The following CBFA2T3 variants were observed in gnomAD, a reference collection of about 807,000 sequenced individuals.
CBFA2T3 encodes transcriptional corepressor CBFA2T3.
In CBFA2T3, 31 loss-of-function variants were observed where a neutral mutation model predicts 58.6. The observed-to-expected ratio is 0.53, with a 90% CI of 0.40 to 0.71. The LOEUF is 0.71. CBFA2T3 is among the 30% of genes least tolerant of loss of function. The pLI is 0.00. For synonymous variants in CBFA2T3, 531 were observed against 421.9 expected (o/e 1.26, Z -3.17); for missense variants, 1,076 against 963.1 (o/e 1.12, Z -1.55).
At chr16:88,934,051 C>T (rs918541222) in intron 1 of CBFA2T3, among the ~76,000 whole-genome samples, 4 of 152,224 alleles carry the variant, frequency 2.6e-5, no homozygotes, top group African/African-American at 9.6e-5. Context: ...ATTAATTTTG[C>T]CCGGTCTCTT....
At chr16:88,882,318 G>A (rs928301270) in intron 8 of CBFA2T3, among the ~76,000 whole-genome samples, 19 of 152,214 alleles carry the variant, frequency 1.2e-4, no homozygotes, top group African/African-American at 4.6e-4. Context: ...ATGGCTGTGT[G>A]GGTGTAGCTG....
intron 1 of CBFA2T3, among the ~76,000 whole-genome samples, chr16:88,973,446 G>C (rs894733208): frequency 2.0e-5 from 3 of 152,194 alleles, no homozygotes; most frequent in Non-Finnish European, 4.4e-5. Flanking sequence ...GGCACTGTGA[G>C]AACAGAAGCC....
rs368154070 is a variant in CBFA2T3, at chr16:88,909,987, G to T, written c.152-8331C>A. On this transcript the variant is annotated intron_variant, in intron 1 of 11. Coordinates refer to ENST00000268679, the MANE Select transcript of CBFA2T3 (RefSeq NM_005187.6). ...ACATTTCCCAAGAGCTGTCCACGGCGGCTCCCACGGCGGCTCCCCAGCTGC... is the reference window on the plus strand; with the variant it reads ...ACATTTCCCAAGAGCTGTCCACGGCTGCTCCCACGGCGGCTCCCCAGCTGC... Among the ~76,000 whole-genome samples the T allele has an allele frequency of 9.2e-5, 14 of 152,220 alleles. 1 individual carries two copies. In the East Asian group the frequency reaches 1.2e-3, roughly 13 times the overall value.
intron 1 of CBFA2T3, among the ~76,000 whole-genome samples, chr16:88,917,005 T>A (rs1216179004): frequency 4.5e-5 from 6 of 134,106 alleles, no homozygotes; most frequent in Non-Finnish European, 1.6e-5. Context: ...ACCAGGGAGG[T>A]GGGGGTTGTA....
chr16:88,966,929 C>T (rs1487205992), intron 1 of CBFA2T3, among the ~76,000 whole-genome samples: 2 of 152,334 alleles, frequency 1.3e-5, no homozygotes, highest in East Asian at 1.9e-4. Flanking sequence ...ATGAGAACTT[C>T]GTATCACACT....
At chr16:88,968,818 T>A (rs1972578297) in intron 1 of CBFA2T3, among the ~76,000 whole-genome samples, 1 of 152,050 alleles carries the variant, frequency 6.6e-6, no homozygotes, top group Non-Finnish European at 1.5e-5. Flanking sequence ...CGGAGGGGTG[T>A]GCGGTCAGCG....
chr16:88,920,942 C>G (rs1169835787), intron 1 of CBFA2T3, among the ~76,000 whole-genome samples: 2 of 152,240 alleles, frequency 1.3e-5, no homozygotes, highest in Admixed American at 1.3e-4. Context: ...AGCAGCGGGA[C>G]GGGTGTCTCC....
At chr16:88,914,769 G>T (rs1271321571) in intron 1 of CBFA2T3, among the ~76,000 whole-genome samples, 1 of 152,226 alleles carries the variant, frequency 6.6e-6, no homozygotes, top group Non-Finnish European at 1.5e-5. Flanking sequence ...GGGGAGAGTG[G>T]TGAGCTCAGA....
chr16:88,900,727 G>A (rs1019618656), intron 2 of CBFA2T3, among the ~76,000 whole-genome samples: 5 of 152,186 alleles, frequency 3.3e-5, no homozygotes, highest in African/African-American at 9.7e-5. Context: ...GGACAGGGAC[G>A]CTGCCACCCC....
At chr16:88,910,487 G>A (rs1432811420) in intron 1 of CBFA2T3, among the ~76,000 whole-genome samples, 1 of 152,198 alleles carries the variant, frequency 6.6e-6, no homozygotes, top group Non-Finnish European at 1.5e-5. Flanking sequence ...GAGAAAACCT[G>A]GAAAGGCACA....
rs573305367 is a variant in CBFA2T3 at position 88,905,131 on chromosome 16, G to A, written c.152-3475C>T. Among the ~76,000 whole-genome samples, 12 of 152,228 alleles carry A rather than the reference G, an allele frequency of 7.9e-5. No homozygotes were observed. The South Asian group carries it at 2.5e-3, about 32-fold the overall frequency. Reference sequence around the variant, plus strand: ...ACCTGTGGAGGGACCTGGGAAGGAGGGGGGTGGGGGAGTGGGCAGCGGGGA... The same window carrying A: ...ACCTGTGGAGGGACCTGGGAAGGAGAGGGGTGGGGGAGTGGGCAGCGGGGA... On this transcript the variant is annotated intron_variant, in intron 1 of 11. Coordinates refer to ENST00000268679, the MANE Select transcript of CBFA2T3 (RefSeq NM_005187.6).
chr16:88,896,523 G>C (rs866901817), intron 3 of CBFA2T3, among the ~76,000 whole-genome samples: 1 of 152,194 alleles, frequency 6.6e-6, no homozygotes, highest in Non-Finnish European at 1.5e-5. Context: ...TCTGTCCGGA[G>C]GACCCCACCG....
chr16:88,892,189 T>C (rs999591682), intron 4 of CBFA2T3, 55 bp downstream of exon 4: 15 of 1,570,526 alleles, frequency 9.6e-6, no homozygotes, highest in African/African-American at 4.0e-5. Context: ...TGCAACCTCA[T>C]TAAACGGAGG....
rs573992537 is a variant in CBFA2T3 at position 88,879,402 on chromosome 16, C to T, written c.1530G>A (p.Ser510=). 28 of 1,613,046 alleles carry T rather than the reference C, an allele frequency of 1.7e-5. No homozygotes were observed. Among genetic ancestry groups the T allele is most frequent in the Admixed American group, 6.7e-5 (4 of 60,010 alleles). Residue 510 remains serine (S), a synonymous_variant, in exon 11 of 12, where the codon TCG becomes TCA. Coordinates refer to ENST00000268679, the MANE Select transcript of CBFA2T3 (RefSeq NM_005187.6). The part of the protein sequence containing the change: ...QAMSELQKAV[S]DAERKAHELI... ...GCTCGTGCGCTTTGCGCTCCGCGTC[C>T]GACACGGCTTTCTGCAGCTCCGACA...
intron 1 of CBFA2T3, among the ~76,000 whole-genome samples, chr16:88,913,384 G>A (rs570524629): frequency 6.6e-6 from 1 of 152,388 alleles, no homozygotes; most frequent in East Asian, 1.9e-4. Flanking sequence ...AGAACTGTGA[G>A]CCAAAGAAGG....
chr16:88,882,696 C>G lies in CBFA2T3; in HGVS notation c.1183G>C (p.Glu395Gln). Residue 395 changes from glutamate (E) to glutamine (Q), a missense_variant, in exon 8 of 12, where the codon GAG becomes CAG. Coordinates refer to ENST00000268679, the MANE Select transcript of CBFA2T3 (RefSeq NM_005187.6). ...HKLTEREWAE[E>Q]WKHLNNLLNC... The stretch of plus-strand genomic sequence containing the variant: ...CTCACGTTGTTGAGGTGCTTCCACT[C>G]TTCTGCCCACTCACGCTCTGTGAGC... 6.3e-7 allele frequency: 1 copy of G among 1,588,042 alleles called. No individual in the cohort carries two copies. Among genetic ancestry groups the G allele is most frequent in the Non-Finnish European group, 8.6e-7 (1 of 1,167,244 alleles).
intron 1 of CBFA2T3, among the ~76,000 whole-genome samples, chr16:88,921,749 C>T (rs913246345): frequency 2.0e-4 from 31 of 152,252 alleles, no homozygotes; most frequent in Non-Finnish European, 2.1e-4. Flanking sequence ...CGTACATCCG[C>T]GGTGCCGGGG....
At chr16:88,945,888 C>T (rs1042747453) in intron 1 of CBFA2T3, among the ~76,000 whole-genome samples, 1 of 152,162 alleles carries the variant, frequency 6.6e-6, no homozygotes, top group Non-Finnish European at 1.5e-5. Flanking sequence ...AAGTTTCATT[C>T]GTTTTTACCA....
intron 1 of CBFA2T3, among the ~76,000 whole-genome samples, chr16:88,973,876 C>T (rs1240477112): frequency 1.3e-5 from 2 of 151,730 alleles, no homozygotes; most frequent in Non-Finnish European, 2.9e-5. Context: ...GTCCCCATAA[C>T]ATCTGCCCGC....
Sources: allele counts gnomAD v4.1 joint callset (sites outside exome capture counted in the v4.1 genomes callset), GRCh38; gene constraint gnomAD v4.1.1; transcripts MANE v1.5; gene names NCBI Gene and HGNC (gene_info 2026-07-23, HGNC 2026-07-21).